Variants in ZNF208 observed in about 807,000 individuals in gnomAD.
ZNF208 encodes the protein zinc finger protein 95.
A neutral mutation model predicts 12.1 loss-of-function variants in ZNF208; 10 were observed. The ratio of observed to expected loss-of-function variants is 0.83; its 90% CI spans 0.51 to 1.40. The LOEUF (loss-of-function observed/expected upper bound fraction) is 1.40. ZNF208 is among the 40% of genes most tolerant of loss of function. The pLI is 0.00. For missense variants in ZNF208, 1,652 were observed against 1,485.0 expected, an observed-to-expected ratio of 1.11 and a Z score of -1.85; for synonymous variants, 497 against 488.4, an observed-to-expected ratio of 1.02 and a Z score of -0.23.
At chr19:21,979,985 A>AT (rs1400533968) in intron 3 of ZNF208, among the ~76,000 whole-genome samples, 1 of 152,234 alleles carries the variant, frequency 6.6e-6, no homozygotes, top group East Asian at 1.9e-4. Flanking sequence ...AAAGATGGTC[A>AT]TTACATAATG....
Position 21,974,631 on chromosome 19 carries a change from G to A in ZNF208, c.403C>T (p.Gln135Ter). 1 of 1,613,574 alleles carries A rather than the reference G, an allele frequency of 6.2e-7. No individual in the cohort carries two copies. Among genetic ancestry groups the A allele is most frequent in the Non-Finnish European group, 8.5e-7 (1 of 1,179,730 alleles). Residue 135 changes from glutamine (Q) to a stop codon, truncating the protein, a stop_gained, in exon 4 of 4, where the codon CAG becomes TAG. Coordinates refer to ENST00000397126, the MANE Select transcript of ZNF208 (RefSeq NM_007153.3). LOFTEE classifies it low-confidence loss of function (END_TRUNC). ...TTGCTCTGTGTAGTTGTCAAACTCTGGTTAAGTTTATTATAACCTTCTTTG... is the reference window on the plus strand; with the variant it reads ...TTGCTCTGTGTAGTTGTCAAACTCTAGTTAAGTTTATTATAACCTTCTTTG... ...VHKEGYNKLN[Q>*]SLTTTQSKVF...
chr19:21,959,083 T>TAA (rs879462154), intron 4 of ZNF208, among the ~76,000 whole-genome samples: 10 of 145,100 alleles, frequency 6.9e-5, no homozygotes, highest in Non-Finnish European at 1.1e-4. Flanking sequence ...GTCTCATGAT[T>TAA]AAAAAAAAAA....
chr19:21,967,441 T>A lies in ZNF208; in HGVS notation c.*3750A>T, dbSNP rs945013514. On this transcript the variant is annotated 3_prime_UTR_variant, in exon 4 of 4. Coordinates refer to ENST00000397126, the MANE Select transcript of ZNF208 (RefSeq NM_007153.3). ...ACCAGAACCATGTTATACTGGTTAT[T>A]CTGATGCAATCTTGGCTCACTGCAA... 19 of 152,156 alleles carry A rather than the reference T, an allele frequency of 1.2e-4. No homozygotes were observed. 9.4% of individuals were successfully genotyped at this position (152,156 alleles called of 1,614,324 possible). A position where few individuals can be genotyped will look rare whatever the true frequency, so the allele number is the denominator to read the frequency against.
chr19:21,973,537 A>T lies in ZNF208; in HGVS notation c.1497T>A (p.Cys499Ter). The change falls in exon 4 of 4, where the codon TGT becomes TGA. Residue 499 changes from cysteine to a stop codon, truncating the protein, a stop_gained. Transcript: ENST00000397126. LOFTEE classifies it low-confidence loss of function (END_TRUNC). ...AGTTGAAAGCTTTGCCACATTCTTC[A>T]CATTTGTAGGGTTTCTCTCCAGCAT... ...ATHAGEKPYK[C>*]EECGKAFNWS... 1 of 1,613,476 alleles carries T rather than the reference A, an allele frequency of 6.2e-7. No individual in the cohort carries two copies. The highest frequency in any genetic ancestry group is 8.5e-7 in the Non-Finnish European group (1 of 1,179,866).
chr19:21,961,590 A>G (rs1170642513), downstream of ZNF208, among the ~76,000 whole-genome samples: 3 of 152,088 alleles, frequency 2.0e-5, no homozygotes, highest in African/African-American at 7.2e-5. Context: ...GCCTGAGGGT[A>G]CTGCAGGAGA....
intron 1 of ZNF208, chr19:21,991,393 T>C (rs1298997969): frequency 2.6e-5 from 4 of 152,194 alleles, no homozygotes; most frequent in Non-Finnish European, 5.9e-5. Flanking sequence ...AAGTATAAAC[T>C]GAGGGCATAA....
In ZNF208 at chr19:21,973,836, C is replaced by T; in HGVS notation, c.1198G>A (p.Glu400Lys). The T allele has an allele frequency of 6.2e-7, 1 of 1,612,862 alleles. No homozygotes were observed. Among genetic ancestry groups the T allele is most frequent in the Non-Finnish European group, 8.5e-7 (1 of 1,179,666 alleles). ...ATACTAAAACCTTTGCCACATTCTT[C>T]ACATTTGTAGGGTTTCTCTCCAGTA... is the stretch of plus-strand genomic sequence containing the variant. ...IHTGEKPYKCEECGKGFSMFS... is the reference protein window; with the variant it reads ...IHTGEKPYKCKECGKGFSMFS... The change falls in exon 4 of 4, where the codon GAA becomes AAA. Residue 400 changes from glutamate to lysine, a missense_variant. Coordinates refer to ENST00000397126, the MANE Select transcript of ZNF208 (RefSeq NM_007153.3).
chr19:21,950,485 C>T (rs1426680586), intron 4 of ZNF208, among the ~76,000 whole-genome samples: 1 of 141,460 alleles, frequency 7.1e-6, no homozygotes, highest in Admixed American at 7.2e-5. Flanking sequence ...TATGCCTAGC[C>T]CTGTTCTTTT....
At chr19:21,955,539 G>T (rs868791288) in intron 4 of ZNF208, among the ~76,000 whole-genome samples, 27 of 151,992 alleles carry the variant, frequency 1.8e-4, no homozygotes, top group African/African-American at 6.5e-4. Flanking sequence ...TTTTACTCTT[G>T]TTTCTCTAAA....
chr19:21,999,043 TTATAGCATA>T (rs1271786987), intron 1 of ZNF208, among the ~76,000 whole-genome samples: 1 of 27,010 alleles, frequency 3.7e-5, no homozygotes. Context: ...TGCTATAATT[TTATAGCATA>T]ATTTTATGCT....
chr19:21,973,821 C>T lies in ZNF208; in HGVS notation c.1213G>A (p.Gly405Ser), dbSNP rs796999390. ...GTAAGGATTGAGAACATACTAAAAC[C>T]TTTGCCACATTCTTCACATTTGTAG... ...KPYKCEECGK[G>S]FSMFSILTKH... Residue 405 changes from glycine to serine, a missense_variant, in exon 4 of 4, where the codon GGT becomes AGT. This residue lies in a region of ZNF208 where 1,239 missense variants were observed against 1,086.2 expected (regional missense o/e 1.14). Transcript: ENST00000397126. The T allele has an allele frequency of 2.5e-6, 4 of 1,613,236 alleles. No homozygotes were observed. Among genetic ancestry groups the T allele is most frequent in the South Asian group, 2.2e-5 (2 of 91,042 alleles).
At position 21,953,404 on chromosome 19, in the gene ZNF208, G is replaced by C. The variant is rs1182577658; in HGVS notation, c.306-20167C>G. ...AAAAATGAAAGAAAAAATGTTACGG[G>C]TAGCCAGAAAGGTCAGGTTACCCCC... On this transcript the variant is annotated intron_variant, in intron 4 of 4. Coordinates refer to the ZNF208 transcript ENST00000599916. 2.5e-4 allele frequency among the ~76,000 whole-genome samples: 22 copies of C among 89,448 alleles called. 1 individual carries two copies. The highest frequency in any genetic ancestry group is 2.5e-3 in the Admixed American group (22 of 8,966). The allele number at this position is 89,448 out of a possible 152,430, so 58.7% of individuals were successfully genotyped here.
Position 22,010,928 on chromosome 19 carries a change from C to T in ZNF208, c.-134G>A. Reference sequence around the variant, plus strand: ...AGGACGAGACCTTGACCTCCGGCTGCAGCGAGAGACAAAGGACCGACCACA... The same window carrying T: ...AGGACGAGACCTTGACCTCCGGCTGTAGCGAGAGACAAAGGACCGACCACA... On this transcript the variant is annotated 5_prime_UTR_variant, in exon 1 of 4. Transcript: ENST00000397126. 6 of 1,338,718 alleles carry T rather than the reference C, an allele frequency of 4.5e-6. No individual in the cohort carries two copies. Among genetic ancestry groups the T allele is most frequent in the Non-Finnish European group, 6.4e-6 (6 of 943,542 alleles). 82.9% of individuals were successfully genotyped at this position (1,338,718 alleles called of 1,614,324 possible). A position where few individuals can be genotyped will look rare whatever the true frequency, so the allele number is the denominator to read the frequency against.
intron 1 of ZNF208, among the ~76,000 whole-genome samples, chr19:21,992,719 GA>G (rs1245888313): frequency 5.3e-5 from 8 of 152,268 alleles, no homozygotes; most frequent in South Asian, 2.1e-4. Context: ...GCATGGCATA[GA>G]AGAAGCCGTA....
chr19:21,960,187 A>G (rs147703981), intron 4 of ZNF208, among the ~76,000 whole-genome samples: 1,744 of 152,266 alleles, frequency 0.011, 35 homozygotes, highest in African/African-American at 0.04. Context: ...TTGTTGTTTC[A>G]CTAATCAATG....
chr19:22,004,621 A>G (rs141420448), intron 1 of ZNF208, among the ~76,000 whole-genome samples: 1,880 of 152,262 alleles, frequency 0.012, 31 homozygotes, highest in African/African-American at 0.042. Flanking sequence ...CTTTGCAGCA[A>G]CATGGATGAA....
rs750469541 is a variant in ZNF208 at position 21,973,405 on chromosome 19, A to T, written c.1629T>A (p.His543Gln). 1.9e-6 allele frequency: 3 copies of T among 1,612,188 alleles called. No individual in the cohort carries two copies. ...GTTTCTCTCCAGTATGAATTACCTT[A>T]TGTTTAGTAAGGATTGAGAATGTAC... is the stretch of plus-strand genomic sequence containing the variant. The part of the protein sequence containing the change: ...SFSTFSILTK[H>Q]KVIHTGEKPY... Residue 543 changes from histidine (H) to glutamine (Q), a missense_variant, in exon 4 of 4, where the codon CAT (histidine) becomes CAA (glutamine). This residue lies in a region of ZNF208 where 1,239 missense variants were observed against 1,086.2 expected (regional missense o/e 1.14). Transcript: ENST00000397126.
intron 4 of ZNF208, among the ~76,000 whole-genome samples, chr19:21,952,520 C>A (rs564227754): frequency 1.3e-5 from 2 of 152,200 alleles, no homozygotes; most frequent in Non-Finnish European, 2.9e-5. Flanking sequence ...GCTGGTGATA[C>A]CCAGGCACTC....
chr19:21,976,687 A>T (rs1482008952), intron 3 of ZNF208, among the ~76,000 whole-genome samples: 2 of 152,130 alleles, frequency 1.3e-5, no homozygotes, highest in Non-Finnish European at 2.9e-5. Flanking sequence ...CAGACTCCCA[A>T]GTAGCTGGGA....
Sources: allele counts gnomAD v4.1 joint callset (sites outside exome capture counted in the v4.1 genomes callset), GRCh38; gene constraint gnomAD v4.1.1; regional missense constraint gnomAD v4.1.1; transcripts MANE v1.5; gene names NCBI Gene and HGNC (gene_info 2026-07-23, HGNC 2026-07-21).